Variants in CCDC192 observed in about 807,000 individuals in gnomAD.
The protein encoded by CCDC192 is coiled-coil domain containing 192, also known as coiled-coil domain-containing protein 192.
intron 2 of CCDC192, among the ~76,000 whole-genome samples, chr5:127,712,162 T>C (rs1342961907): frequency 1.3e-5 from 2 of 152,200 alleles, no homozygotes; most frequent in African/African-American, 2.4e-5. Flanking sequence ...TTATCCATGT[T>C]GTAGTGTGTA....
At chr5:127,752,647 A>G (rs1239937963) in intron 2 of CCDC192, among the ~76,000 whole-genome samples, 2 of 152,174 alleles carry the variant, frequency 1.3e-5, no homozygotes, top group Non-Finnish European at 2.9e-5. Flanking sequence ...CCACCCAGTT[A>G]GAGCTTCCGG....
chr5:127,746,417 A>G (rs1222991600), intron 2 of CCDC192, among the ~76,000 whole-genome samples: 2 of 152,222 alleles, frequency 1.3e-5, no homozygotes, highest in East Asian at 1.9e-4. Context: ...GAGTCTACTC[A>G]TACAAATTTT....
intron 5 of CCDC192, among the ~76,000 whole-genome samples, chr5:127,821,918 T>A (rs1749311478): frequency 6.6e-6 from 1 of 152,156 alleles, no homozygotes; most frequent in African/African-American, 2.4e-5. Context: ...ACTGTAAATA[T>A]CTCACAAGCT....
At position 127,703,476 on chromosome 5, in the gene CCDC192, G is replaced by T. The variant is rs1750791234; in HGVS notation, c.31G>T (p.Val11Phe). 2 of 399,000 alleles carry T rather than the reference G, an allele frequency of 5.0e-6. No homozygotes were observed. The highest frequency in any genetic ancestry group is 8.8e-6 in the Non-Finnish European group (2 of 226,056). 24.7% of individuals were successfully genotyped at this position (399,000 alleles called of 1,614,324 possible). Residue 11 changes from valine to phenylalanine, a missense_variant, in exon 1 of 7, where the codon GTC (valine) becomes TTC (phenylalanine). Physicochemically the swap from Val to Phe is conservative, Grantham distance 50. Transcript: ENST00000514853. MGQCYSKKSV[V>F]PESDTSERSS... ...ACAATGCTATAGCAAGAAATCTGTG[G>T]TCCCAGAGTCTGACACCTCAGAGAG...
chr5:127,904,020 GA>G (rs1297390011), intron 6 of CCDC192, among the ~76,000 whole-genome samples: 20 of 152,172 alleles, frequency 1.3e-4, no homozygotes, highest in Non-Finnish European at 1.2e-4. Context: ...TTGAGATGGG[GA>G]AATTGTCCAG....
chr5:127,784,617 A>C lies in CCDC192; in HGVS notation c.223-12486A>C, dbSNP rs1756430767. The C allele has an allele frequency of 3.4e-5, 22 of 641,076 alleles. 1 individual carries two copies. The highest frequency in any genetic ancestry group is 3.1e-4 in the South Asian group (22 of 70,364). The allele number at this position is 641,076 out of a possible 1,614,324, so 39.7% of individuals were successfully genotyped here. On this transcript the variant is annotated intron_variant, in intron 3 of 6. Transcript: ENST00000514853. ...CAGTCAGACCCTTCCTGGAGGGTTA[A>C]GCCAAGTAACTGTAGGTGTGCTTTT...
chr5:127,819,757 A>G (rs188161741), intron 5 of CCDC192, among the ~76,000 whole-genome samples: 11 of 152,166 alleles, frequency 7.2e-5, no homozygotes, highest in Non-Finnish European at 1.3e-4. Flanking sequence ...CACGATCCCT[A>G]TAAAACAATT....
At chr5:127,887,897 G>T (rs1449597900) in intron 6 of CCDC192, among the ~76,000 whole-genome samples, 3 of 151,476 alleles carry the variant, frequency 2.0e-5, no homozygotes, top group African/African-American at 7.3e-5. Context: ...TAGAGACAGG[G>T]TTTCACCATG....
At chr5:127,770,209 C>G (rs1271067617) in intron 3 of CCDC192, among the ~76,000 whole-genome samples, 1 of 152,208 alleles carries the variant, frequency 6.6e-6, no homozygotes, top group Non-Finnish European at 1.5e-5. Flanking sequence ...CTCAGCCTCC[C>G]AGGTAGCTGA....
intron 6 of CCDC192, among the ~76,000 whole-genome samples, chr5:127,894,829 G>A (rs916091232): frequency 6.6e-6 from 1 of 152,200 alleles, no homozygotes; most frequent in Non-Finnish European, 1.5e-5. Flanking sequence ...GCCAACCAAA[G>A]TGTTTTAATT....
chr5:127,930,038 T>C (rs1753975064), intron 6 of CCDC192, among the ~76,000 whole-genome samples: 1 of 152,134 alleles, frequency 6.6e-6, no homozygotes, highest in African/African-American at 2.4e-5. Flanking sequence ...ATCCCATCTC[T>C]ACTAAAAATA....
intron 5 of CCDC192, among the ~76,000 whole-genome samples, chr5:127,811,025 A>G (rs1351943345): frequency 6.6e-6 from 1 of 152,114 alleles, no homozygotes; most frequent in Non-Finnish European, 1.5e-5. Context: ...CAGAGGGTTT[A>G]TGGCAGCTCC....
At chr5:127,766,031 T>C (rs912338056) in intron 3 of CCDC192, among the ~76,000 whole-genome samples, 6 of 152,234 alleles carry the variant, frequency 3.9e-5, no homozygotes, top group African/African-American at 1.4e-4. Flanking sequence ...CAATATGCCC[T>C]ATGTTAACCC....
intron 5 of CCDC192, among the ~76,000 whole-genome samples, chr5:127,803,733 C>T (rs901355550): frequency 2.0e-5 from 3 of 152,120 alleles, no homozygotes; most frequent in Admixed American, 6.5e-5. Flanking sequence ...TTTCCAGCCA[C>T]CCACAAGACC....
chr5:127,910,042 T>C (rs1753303941), intron 6 of CCDC192, among the ~76,000 whole-genome samples: 1 of 152,196 alleles, frequency 6.6e-6, no homozygotes, highest in Admixed American at 6.5e-5. Flanking sequence ...ATGTTAAACT[T>C]AGACAAAACA....
At chr5:127,786,692 G>A (rs1459075561) in intron 3 of CCDC192, 3 of 755,832 alleles carry the variant, frequency 4.0e-6, no homozygotes, top group Non-Finnish European at 4.9e-6. Flanking sequence ...ATTGTTGAGT[G>A]TAGAATTTCA....
At chr5:127,718,834 A>G (rs1299943853) in intron 2 of CCDC192, among the ~76,000 whole-genome samples, 2 of 152,198 alleles carry the variant, frequency 1.3e-5, no homozygotes, top group Non-Finnish European at 2.9e-5. Flanking sequence ...GCATAAATAT[A>G]TAATAATCAC....
intron 2 of CCDC192, among the ~76,000 whole-genome samples, chr5:127,743,221 C>T (rs1282625784): frequency 1.3e-5 from 2 of 152,126 alleles, no homozygotes; most frequent in East Asian, 3.9e-4. Flanking sequence ...TGTTCCTCTC[C>T]TCAAGCTTTC....
chr5:127,716,208 T>C (rs1751614739), intron 2 of CCDC192, among the ~76,000 whole-genome samples: 1 of 152,190 alleles, frequency 6.6e-6, no homozygotes, highest in African/African-American at 2.4e-5. Context: ...TTTGTGAATG[T>C]TGAACTCTCC....
Sources: gnomAD v4.1 joint callset for allele counts (sites outside exome capture counted in the v4.1 genomes callset) on GRCh38, gnomAD v4.1.1 for gene constraint, MANE v1.5 for transcripts, NCBI Gene and HGNC (gene_info 2026-07-23, HGNC 2026-07-21) for gene names.